Variants in FHOD3 observed in about 807,000 individuals in gnomAD.
FHOD3 encodes formin homology 2 domain containing 3, also known as FH1/FH2 domain-containing protein 3.
Under a neutral mutation model 173.0 loss-of-function variants are expected in FHOD3, and 90 were observed. That is an observed-to-expected ratio of 0.52 (90% CI 0.44 to 0.62). The LOEUF (loss-of-function observed/expected upper bound fraction) is 0.62, where lower values mean the gene tolerates loss of function less well. FHOD3 is among the 20% of genes least tolerant of loss of function. The pLI is 0.00. For synonymous variants in FHOD3, 828 were observed against 823.0 expected (o/e 1.01, Z -0.10); for missense variants, 1,945 against 2,034.7 (o/e 0.96, Z 0.85).
intron 24 of FHOD3, among the ~76,000 whole-genome samples, 192 bp from the exon 25 acceptor site, chr18:36,754,926 CA>C (rs2042557172): frequency 6.6e-6 from 1 of 150,832 alleles, no homozygotes; most frequent in African/African-American, 2.4e-5. Context: ...TTCAAAGCCC[CA>C]GGAATGAAGG....
chr18:36,618,561 C>T (rs927605114), intron 9 of FHOD3, among the ~76,000 whole-genome samples: 11 of 152,122 alleles, frequency 7.2e-5, no homozygotes, highest in African/African-American at 2.4e-4. Context: ...ATCCACCCTC[C>T]TCGGCCTCCC....
chr18:36,633,312 C>T (rs770687593), intron 10 of FHOD3, among the ~76,000 whole-genome samples: 2 of 152,216 alleles, frequency 1.3e-5, no homozygotes, highest in Non-Finnish European at 2.9e-5. Context: ...GACCGCCTTT[C>T]ACTGGCACCA....
chr18:36,665,950 T>A (rs1309437906), intron 14 of FHOD3, among the ~76,000 whole-genome samples: 2 of 152,134 alleles, frequency 1.3e-5, no homozygotes, highest in Non-Finnish European at 2.9e-5. Context: ...ACTCACTTGG[T>A]CTTAGATGGA....
At chr18:36,634,584 C>G (rs767842878) in intron 10 of FHOD3, among the ~76,000 whole-genome samples, 1 of 152,108 alleles carries the variant, frequency 6.6e-6, no homozygotes, top group Non-Finnish European at 1.5e-5. Flanking sequence ...TGACGTTAAT[C>G]TACAAAATCT....
intron 10 of FHOD3, among the ~76,000 whole-genome samples, chr18:36,644,162 A>G (rs1173891731): frequency 6.6e-6 from 1 of 152,196 alleles, no homozygotes; most frequent in Admixed American, 6.5e-5. Context: ...GATTTGGAAC[A>G]GGCCTGGGCC....
chr18:36,328,970 G>A (rs2044827723), intron 1 of FHOD3, among the ~76,000 whole-genome samples: 1 of 152,216 alleles, frequency 6.6e-6, no homozygotes, highest in Non-Finnish European at 1.5e-5. Flanking sequence ...GAGCCATACA[G>A]TGGGGAGTGA....
rs1462859448 is a variant in FHOD3, at chr18:36,755,202, G to C, written c.4316G>C (p.Ser1439Thr). ...VNINKFCRII[S>T]EFALEYRTTR... ...ATAAACAAATTCTGCAGGATTATTA[G>C]TGAATTTGCACTAGAGTATCGCACA... The change falls in exon 25 of 29, where the codon AGT (serine) becomes ACT (threonine). Residue 1439 changes from serine to threonine, a missense_variant. Ser to Thr is a moderately conservative substitution (Grantham distance 58). Around this residue, in one of 5 missense-constraint regions of FHOD3, gnomAD observed 354 missense variants for 359.9 expected, o/e 0.98. Transcript: ENST00000590592. 3 of 1,612,292 alleles carry C rather than the reference G, an allele frequency of 1.9e-6. No individual in the cohort carries two copies. Among genetic ancestry groups the C allele is most frequent in the Non-Finnish European group, 2.5e-6 (3 of 1,179,346 alleles).
At chr18:36,484,222 C>A (rs1233733951) in intron 3 of FHOD3, among the ~76,000 whole-genome samples, 9 of 152,218 alleles carry the variant, frequency 5.9e-5, no homozygotes. Flanking sequence ...CCACTTGTTG[C>A]TTCCCTTTTG....
At chr18:36,661,942 C>T (rs928856672) in intron 14 of FHOD3, among the ~76,000 whole-genome samples, 2 of 152,186 alleles carry the variant, frequency 1.3e-5, no homozygotes, top group African/African-American at 4.8e-5. Flanking sequence ...CTCAGGAATA[C>T]AAGATGCAAC....
intron 3 of FHOD3, among the ~76,000 whole-genome samples, chr18:36,461,337 G>A (rs2052537491): frequency 6.6e-6 from 1 of 152,136 alleles, no homozygotes. Flanking sequence ...AGACTGAAAG[G>A]ATTTTTTTCA....
intron 3 of FHOD3, among the ~76,000 whole-genome samples, chr18:36,403,739 G>C (rs1447642979): frequency 6.6e-6 from 1 of 152,336 alleles, no homozygotes; most frequent in East Asian, 1.9e-4. Flanking sequence ...AATTTAAGGT[G>C]GGAATATTCG....
chr18:36,411,970 ACT>A (rs1198534392), intron 3 of FHOD3, among the ~76,000 whole-genome samples: 2 of 151,928 alleles, frequency 1.3e-5, no homozygotes, highest in Non-Finnish European at 2.9e-5. Flanking sequence ...CCTAAAATAG[ACT>A]CTTCCTGGTG....
At chr18:36,470,919 G>C (rs925389594) in intron 3 of FHOD3, among the ~76,000 whole-genome samples, 6 of 152,210 alleles carry the variant, frequency 3.9e-5, no homozygotes, top group Admixed American at 3.9e-4. Flanking sequence ...GGTGCCTTCC[G>C]TGGGGTCTTT....
chr18:36,577,834 G>A (rs1438092281), intron 6 of FHOD3, among the ~76,000 whole-genome samples: 3 of 152,200 alleles, frequency 2.0e-5, no homozygotes, highest in South Asian at 2.1e-4. Context: ...CAGGTGCGCC[G>A]AAAGCTGGGC....
intron 26 of FHOD3, among the ~76,000 whole-genome samples, chr18:36,759,585 G>A (rs1180596237): frequency 6.6e-6 from 1 of 152,254 alleles, no homozygotes; most frequent in Admixed American, 6.5e-5. Flanking sequence ...GGCAGCCTCT[G>A]ATGTGTGACC....
intron 10 of FHOD3, among the ~76,000 whole-genome samples, chr18:36,643,794 A>T (rs550384316): frequency 1.1e-3 from 174 of 152,144 alleles, no homozygotes; most frequent in Non-Finnish European, 2.3e-3. Context: ...ATATATTTTC[A>T]TATATTCTTG....
intron 1 of FHOD3, among the ~76,000 whole-genome samples, chr18:36,299,336 G>C (rs563387826): frequency 2.6e-4 from 39 of 152,298 alleles, no homozygotes; most frequent in African/African-American, 9.1e-4. Flanking sequence ...ATCATCCAGA[G>C]TGATGTATTC....
chr18:36,493,213 C>CTTTTTTTTTTTT (rs60189688), intron 3 of FHOD3, among the ~76,000 whole-genome samples: 1 of 138,158 alleles, frequency 7.2e-6, no homozygotes, highest in Non-Finnish European at 1.6e-5. Context: ...TTTTCTTTTT[C>CTTTTTTTTTTTT]TTTTTTTTTT....
chr18:36,591,880 A>G (rs777612703), intron 6 of FHOD3, among the ~76,000 whole-genome samples: 1 of 152,136 alleles, frequency 6.6e-6, no homozygotes, highest in Non-Finnish European at 1.5e-5. Context: ...CTGTGCTTAC[A>G]CCACCACACT....
Sources: allele counts gnomAD v4.1 joint callset (sites outside exome capture counted in the v4.1 genomes callset), GRCh38; gene constraint gnomAD v4.1.1; regional missense constraint gnomAD v4.1.1; transcripts MANE v1.5; gene names NCBI Gene and HGNC (gene_info 2026-07-23, HGNC 2026-07-21).